Variants in RIOK1 observed in about 807,000 individuals in gnomAD.
RIOK1 encodes the protein RIO kinase 1, also known as serine/threonine-protein kinase RIO1.
Under a neutral mutation model 73.5 loss-of-function variants are expected in RIOK1, and 66 were observed. That is an observed-to-expected ratio of 0.90 (90% confidence interval 0.74 to 1.10). RIOK1 has a LOEUF of 1.10. Among genes scored for constraint, RIOK1 ranks in the 50% least tolerant of loss-of-function variants. The pLI, the probability that RIOK1 is intolerant of heterozygous loss-of-function variation, is 0.00. For missense variants in RIOK1, 658 were observed against 699.8 expected, an observed-to-expected ratio of 0.94 and a Z score of 0.67; for synonymous variants, 224 against 226.8, an observed-to-expected ratio of 0.99 and a Z score of 0.11.
chr6:7,410,007 C>T (rs1023423283), intron 12 of RIOK1, among the ~76,000 whole-genome samples: 10 of 152,080 alleles, frequency 6.6e-5, no homozygotes, highest in African/African-American at 1.9e-4. Flanking sequence ...TTCCCTTCGC[C>T]GACTGCTCAG....
At chr6:7,395,791 C>G (rs1159208588) in intron 3 of RIOK1, among the ~76,000 whole-genome samples, 5 of 151,632 alleles carry the variant, frequency 3.3e-5, no homozygotes, top group African/African-American at 1.2e-4. Flanking sequence ...CTCACTCCAA[C>G]CCTGATTTCT....
At chr6:7,402,958 C>T (rs893804302) in intron 8 of RIOK1, 61 bp downstream of exon 8, 2 of 1,463,514 alleles carry the variant, frequency 1.4e-6, no homozygotes, top group Admixed American at 3.8e-5. Context: ...TCAGCCCTTC[C>T]TCCCAGCAGA....
intron 1 of RIOK1, among the ~76,000 whole-genome samples, chr6:7,390,476 C>A (rs528047234): frequency 6.6e-6 from 1 of 152,216 alleles, no homozygotes; most frequent in African/African-American, 2.4e-5. Flanking sequence ...TGGAACTTTA[C>A]CTTCTACGTG....
intron 12 of RIOK1, among the ~76,000 whole-genome samples, chr6:7,407,157 T>C (rs929696642): frequency 1.3e-4 from 20 of 152,208 alleles, no homozygotes; most frequent in African/African-American, 4.6e-4. Context: ...CACCCAGAAG[T>C]AGAATTGCTG....
intron 12 of RIOK1, among the ~76,000 whole-genome samples, chr6:7,409,091 C>T (rs933249823): frequency 8.5e-5 from 13 of 152,104 alleles, no homozygotes; most frequent in African/African-American, 2.4e-4. Context: ...TGTGCAATTT[C>T]GGCTCACTGC....
rs1761858244 is a variant in RIOK1 at position 7,410,434 on chromosome 6, G to T, written c.1252G>T (p.Asp418Tyr). Residue 418 changes from aspartate (D) to tyrosine (Y), a missense_variant, in exon 13 of 17, where the codon GAT (aspartate) becomes TAT (tyrosine). By Grantham distance (160) the Asp-to-Tyr change is radical. Transcript: ENST00000379834. ...QRTKEERSSQ[D>Y]HVDEEVFKRA... is the part of the protein sequence containing the mutation. Reference sequence around the variant, plus strand: ...GACCAAGGAAGAACGGTCTAGCCAAGATCATGTGGATGAAGAGGTAGGATT... The same window carrying T: ...GACCAAGGAAGAACGGTCTAGCCAATATCATGTGGATGAAGAGGTAGGATT... The T allele has an allele frequency of 6.2e-7, 1 of 1,610,834 alleles. No individual in the cohort carries two copies. The highest frequency in any genetic ancestry group is 2.2e-5 in the East Asian group (1 of 44,834).
chr6:7,398,563 A>G (rs2113505996), intron 4 of RIOK1, 135 bp from the exon 5 acceptor site: 1 of 651,964 alleles, frequency 1.5e-6, no homozygotes, highest in African/African-American at 1.8e-5. Context: ...TGAAAAATCT[A>G]CAATCATATC....
intron 16 of RIOK1, among the ~76,000 whole-genome samples, chr6:7,415,819 A>G (rs1761986833): frequency 6.6e-6 from 1 of 152,246 alleles, no homozygotes; most frequent in Non-Finnish European, 1.5e-5. Flanking sequence ...CTGTCACATG[A>G]GTATGATACT....
chr6:7,409,795 CA>C (rs34196824), intron 12 of RIOK1, among the ~76,000 whole-genome samples: 57,101 of 103,164 alleles, frequency 0.55, 12,968 homozygotes, highest in Middle Eastern at 0.65. Context: ...TGTCTAAACT[CA>C]AAAAAAAAAA....
intron 2 of RIOK1, 148 bp from the exon 3 acceptor site, chr6:7,394,905 G>T: frequency 8.0e-7 from 1 of 1,248,122 alleles, no homozygotes. Flanking sequence ...AAAATTTTTT[G>T]AGCCAATTTG....
intron 12 of RIOK1, among the ~76,000 whole-genome samples, chr6:7,409,080 G>A (rs923206098): frequency 6.6e-6 from 1 of 151,844 alleles, no homozygotes; most frequent in African/African-American, 2.4e-5. Flanking sequence ...CTGGAGTGCA[G>A]TGTGCAATTT....
chr6:7,414,498 A>G, intron 16 of RIOK1, 108 bp downstream of exon 16: 11 of 1,035,880 alleles, frequency 1.1e-5, no homozygotes, highest in South Asian at 3.6e-5. Context: ...AACATTATTG[A>G]TAAGTACCTC....
At chr6:7,392,676 C>T (rs1761370090) in intron 1 of RIOK1, among the ~76,000 whole-genome samples, 1 of 152,104 alleles carries the variant, frequency 6.6e-6, no homozygotes. Flanking sequence ...TGAACCGCTG[C>T]ACCAGCCTTT....
intron 16 of RIOK1, among the ~76,000 whole-genome samples, chr6:7,415,844 G>T (rs1240243848): frequency 1.3e-5 from 2 of 152,172 alleles, no homozygotes; most frequent in Non-Finnish European, 2.9e-5. Flanking sequence ...GATATTTGGA[G>T]AGAGAGACCA....
At chr6:7,411,847 T>C (rs903673798) in intron 14 of RIOK1, among the ~76,000 whole-genome samples, 3 of 152,202 alleles carry the variant, frequency 2.0e-5, no homozygotes, top group Non-Finnish European at 4.4e-5. Flanking sequence ...TTGAGGTGAT[T>C]ACGTAGGTCC....
At position 7,417,400 on chromosome 6, in the gene RIOK1, AAAAG is replaced by A. The variant is rs1238803487; in HGVS notation, c.1671_1674del (p.Lys558ArgfsTer31). ...AAACAAAATTCCTAAACATGTGAAA[AAAAG>A]AAAGGAGAAGACAGCCAAGACGAAA... On this transcript the variant is annotated frameshift_variant, in exon 17 of 17. Transcript: ENST00000379834. LOFTEE classifies it high-confidence loss of function. The A allele has an allele frequency of 1.3e-6, 2 of 1,570,200 alleles. No homozygotes were observed. The highest frequency in any genetic ancestry group is 1.7e-6 in the Non-Finnish European group (2 of 1,156,982).
At chr6:7,413,236 G>T (rs1761928550) in intron 15 of RIOK1, among the ~76,000 whole-genome samples, 1 of 152,124 alleles carries the variant, frequency 6.6e-6, no homozygotes. Context: ...GTCGTCATTT[G>T]TGGAGCTCTT....
Position 7,401,045 on chromosome 6 carries a change from A to G in RIOK1, c.568A>G (p.Lys190Glu). The G allele has an allele frequency of 6.3e-7, 1 of 1,584,500 alleles. No homozygotes were observed. The highest frequency in any genetic ancestry group is 8.7e-7 in the Non-Finnish European group (1 of 1,155,866). Reference sequence around the variant, plus strand: ...GATAAATGGCTGCATTAGCACAGGAAAAGAAGTGAGCTCTTCTTTGGATGA... The same window carrying G: ...GATAAATGGCTGCATTAGCACAGGAGAAGAAGTGAGCTCTTCTTTGGATGA... The part of the protein sequence containing the change: ...TEINGCISTG[K>E]EANVYHASTA... The change falls in exon 6 of 17, where the codon AAA (lysine) becomes GAA (glutamate). Residue 190 changes from lysine (K) to glutamate (E), a missense_variant. By Grantham distance (56) the Lys-to-Glu change is moderately conservative (BLOSUM62 1). Transcript: ENST00000379834.
In RIOK1 at chr6:7,404,953, C is replaced by T. The variant is rs1761707840; in HGVS notation, c.1028C>T (p.Ser343Phe). The T allele has an allele frequency of 3.1e-6, 5 of 1,614,182 alleles. No homozygotes were observed. The highest frequency in any genetic ancestry group is 4.2e-6 in the Non-Finnish European group (5 of 1,180,026). Residue 343 changes from serine (S) to phenylalanine (F), a missense_variant, in exon 11 of 17, where the codon TCT becomes TTT. Transcript: ENST00000379834. ...HGGGVYIIDV[S>F]QSVEHDHPHA... is the part of the protein sequence containing the mutation. Reference sequence around the variant, plus strand: ...GGAGGCGTGTATATCATTGACGTGTCTCAGTCCGTGGAGCACGACCACCCA... The same window carrying T: ...GGAGGCGTGTATATCATTGACGTGTTTCAGTCCGTGGAGCACGACCACCCA...
Sources: allele counts gnomAD v4.1 joint callset (sites outside exome capture counted in the v4.1 genomes callset), GRCh38; gene constraint gnomAD v4.1.1; transcripts MANE v1.5; gene names NCBI Gene and HGNC (gene_info 2026-07-23, HGNC 2026-07-21).